Variants in AFAP1L1 observed in about 807,000 individuals in gnomAD.
AFAP1L1 encodes actin filament-associated protein 1-like 1.
In AFAP1L1, 77 loss-of-function variants were observed where a neutral mutation model predicts 99.8. That is an observed-to-expected ratio of 0.77 (90% confidence interval 0.64 to 0.93). The LOEUF (loss-of-function observed/expected upper bound fraction) is 0.93, where lower values mean the gene tolerates loss of function less well. Ranked by LOEUF, AFAP1L1 falls within the 40% of genes least tolerant of loss-of-function variation. The pLI is 0.00. For synonymous variants in AFAP1L1, 373 were observed against 395.3 expected (o/e 0.94, Z 0.67); for missense variants, 893 against 996.8 (o/e 0.90, Z 1.40).
chr5:149,318,867 G>A (rs1211264816), intron 12 of AFAP1L1, among the ~76,000 whole-genome samples: 2 of 152,298 alleles, frequency 1.3e-5, no homozygotes, highest in African/African-American at 4.8e-5. Context: ...TCTTAGTCTT[G>A]TCCTAGAATC....
At position 149,283,507 on chromosome 5, in the gene AFAP1L1, T is replaced by A. The variant is rs528234632; in HGVS notation, c.16+11523T>A. 3.5e-3 allele frequency among the ~76,000 whole-genome samples: 531 copies of A among 152,252 alleles called. 4 individuals are homozygous for A. The highest frequency in any genetic ancestry group is 0.011 in the African/African-American group (438 of 41,564). On this transcript the variant is annotated intron_variant, in intron 1 of 18. Coordinates refer to ENST00000296721, the MANE Select transcript of AFAP1L1 (RefSeq NM_152406.4). ...TTATTTCATTGATACAAAGATTTTT[T>A]TAAAAAAAAACTCAGAACATACCTT...
rs1044558670 is a variant in AFAP1L1, at chr5:149,326,795, T to A, written c.1811-2871T>A. On this transcript the variant is annotated intron_variant, in intron 15 of 18. Transcript: ENST00000296721. ...AGAGGCCGACTGCTTAACAGGAGAT[T>A]AGGAAAAGAGTCAGAAATCCCTGCT... is the stretch of plus-strand genomic sequence containing the variant. 2.0e-5 allele frequency among the ~76,000 whole-genome samples: 3 copies of A among 151,916 alleles called. No individual in the cohort carries two copies. In the East Asian group the frequency reaches 5.8e-4, roughly 29 times the overall value.
At chr5:149,309,050 G>T (rs1741094381) in intron 7 of AFAP1L1, among the ~76,000 whole-genome samples, 1 of 152,102 alleles carries the variant, frequency 6.6e-6, no homozygotes, top group Admixed American at 6.5e-5. Context: ...GTTTGAAGCT[G>T]CAGTGAGCTA....
In AFAP1L1 at chr5:149,319,723, T is replaced by C. The variant is rs753088820; in HGVS notation, c.1621T>C (p.Phe541Leu). 2 of 1,611,844 alleles carry C rather than the reference T, an allele frequency of 1.2e-6. No individual in the cohort carries two copies. Among genetic ancestry groups the C allele is most frequent in the South Asian group, 1.1e-5 (1 of 90,900 alleles). The part of the protein sequence containing the change: ...TSIVSAGRNS[F>L]LYARSCQNQW... ...CATCGTCAGTGCTGGGCGCAACTCCTTCCTGTAAGTGTCAGCTGCACTGGC... is the reference window on the plus strand; with the variant it reads ...CATCGTCAGTGCTGGGCGCAACTCCCTCCTGTAAGTGTCAGCTGCACTGGC... The change falls in exon 13 of 19, where the codon TTC becomes CTC. Residue 541 changes from phenylalanine to leucine, a missense_variant. Coordinates refer to ENST00000296721, the MANE Select transcript of AFAP1L1 (RefSeq NM_152406.4).
intron 1 of AFAP1L1, among the ~76,000 whole-genome samples, chr5:149,294,442 C>A (rs1755957786): frequency 2.6e-5 from 4 of 152,196 alleles, no homozygotes; most frequent in Non-Finnish European, 5.9e-5. Flanking sequence ...CATCAGACTT[C>A]TGTATTCACT....
Position 149,317,722 on chromosome 5 carries a change from C to T in AFAP1L1, c.1268-7C>T, listed in dbSNP as rs759583855. The T allele has an allele frequency of 1.9e-6, 3 of 1,613,552 alleles. No individual in the cohort carries two copies. Among genetic ancestry groups the T allele is most frequent in the South Asian group, 2.2e-5 (2 of 90,816 alleles). ...CTATGGGAACCTCACACCATTGTCT[C>T]CTCCAGGCTACCTGAACGTGCTGGT... is the stretch of plus-strand genomic sequence containing the variant. On this transcript the variant is annotated splice_polypyrimidine_tract_variant and splice_region_variant and intron_variant, in intron 11 of 18. Coordinates refer to ENST00000296721, the MANE Select transcript of AFAP1L1 (RefSeq NM_152406.4).
chr5:149,329,724 G>T lies in AFAP1L1; in HGVS notation c.1869G>T (p.Leu623Phe). Residue 623 changes from leucine to phenylalanine, a missense_variant, in exon 16 of 19, where the codon TTG (leucine) becomes TTT (phenylalanine). Leu to Phe is a conservative substitution (Grantham distance 22). Coordinates refer to ENST00000296721, the MANE Select transcript of AFAP1L1 (RefSeq NM_152406.4). ...NRAEEDARRY[L>F]VEKEKLEKEK... ...CCGAGGAGGATGCCCGGAGGTACTT[G>T]GTAGAAAAAGAGAAGCTGGAGAAAG... The T allele has an allele frequency of 6.2e-7, 1 of 1,614,026 alleles. No homozygotes were observed. Among genetic ancestry groups the T allele is most frequent in the Non-Finnish European group, 8.5e-7 (1 of 1,180,000 alleles).
intron 11 of AFAP1L1, among the ~76,000 whole-genome samples, chr5:149,316,756 G>A (rs921564731): frequency 6.6e-6 from 1 of 152,196 alleles, no homozygotes; most frequent in South Asian, 2.1e-4. Flanking sequence ...ATTTGAAGGT[G>A]AAAACATTAT....
rs1757540314 is a variant in AFAP1L1 at position 149,340,759 on chromosome 5, CACA to C, written c.*730_*732del. 6.6e-6 allele frequency: 1 copy of C among 152,190 alleles called. No homozygotes were observed. The highest frequency in any genetic ancestry group is 1.5e-5 in the Non-Finnish European group (1 of 68,056). The allele number at this position is 152,190 out of a possible 1,614,324, so 9.4% of individuals were successfully genotyped here. Reference sequence around the variant, plus strand: ...TCACAGTGATACTCAGTGACAGGAGCACAGAGCTCTAATGTCCACAGGATGTTG... The same window carrying C: ...TCACAGTGATACTCAGTGACAGGAGCGAGCTCTAATGTCCACAGGATGTTG... On this transcript the variant is annotated 3_prime_UTR_variant, in exon 19 of 19. Coordinates refer to ENST00000296721, the MANE Select transcript of AFAP1L1 (RefSeq NM_152406.4).
At chr5:149,287,888 TC>T (rs1292779724) in intron 1 of AFAP1L1, among the ~76,000 whole-genome samples, 3 of 151,836 alleles carry the variant, frequency 2.0e-5, no homozygotes, top group African/African-American at 7.3e-5. Flanking sequence ...GGCCATGAGG[TC>T]CTATTTTTTA....
chr5:149,282,722 A>T (rs1220194173), intron 1 of AFAP1L1, among the ~76,000 whole-genome samples: 1 of 152,178 alleles, frequency 6.6e-6, no homozygotes, highest in East Asian at 1.9e-4. Context: ...TTTACCGAAA[A>T]GGTTGGCCAA....
chr5:149,275,785 C>T (rs1019100759), intron 1 of AFAP1L1, among the ~76,000 whole-genome samples: 23 of 152,192 alleles, frequency 1.5e-4, no homozygotes, highest in African/African-American at 2.7e-4. Context: ...GGATTACAGG[C>T]GTGAGCCACC....
In AFAP1L1 at chr5:149,332,786, G is replaced by A; in HGVS notation, c.2067G>A (p.Lys689=). 6.2e-7 allele frequency: 1 copy of A among 1,613,488 alleles called. No individual in the cohort carries two copies. The highest frequency in any genetic ancestry group is 8.5e-7 in the Non-Finnish European group (1 of 1,179,992). Residue 689 remains lysine, a synonymous_variant, in exon 17 of 19, where the codon AAG becomes AAA. Coordinates refer to ENST00000296721, the MANE Select transcript of AFAP1L1 (RefSeq NM_152406.4). The part of the protein sequence containing the change: ...KEERRIDLEL[K]LVAVKERLQQ... ...AGCGCCGGATTGACCTGGAGCTGAA[G>A]CTGGTGGCTGTGAAGGAGCGCTTGC...
At chr5:149,333,439 C>T (rs553431004) in intron 17 of AFAP1L1, among the ~76,000 whole-genome samples, 5 of 152,304 alleles carry the variant, frequency 3.3e-5, no homozygotes, top group Admixed American at 6.5e-5. Flanking sequence ...AAAAATACAG[C>T]GGTCTCACAT....
intron 9 of AFAP1L1, among the ~76,000 whole-genome samples, chr5:149,313,720 C>G (rs761921947): frequency 6.6e-6 from 1 of 152,174 alleles, no homozygotes; most frequent in Non-Finnish European, 1.5e-5. Context: ...AATAGTCACA[C>G]GGACTTATAA....
At chr5:149,281,356 T>C (rs1444115535) in intron 1 of AFAP1L1, among the ~76,000 whole-genome samples, 2 of 152,190 alleles carry the variant, frequency 1.3e-5, no homozygotes, top group Non-Finnish European at 2.9e-5. Flanking sequence ...AACAGATGAC[T>C]CTGCTCTTCC....
intron 15 of AFAP1L1, among the ~76,000 whole-genome samples, chr5:149,325,838 G>C (rs746652475): frequency 2.6e-5 from 4 of 152,150 alleles, no homozygotes; most frequent in Non-Finnish European, 5.9e-5. Flanking sequence ...GAGGCAAAAG[G>C]GGGTTGAATT....
At chr5:149,308,184 A>G (rs1343306146) in intron 7 of AFAP1L1, among the ~76,000 whole-genome samples, 1 of 152,128 alleles carries the variant, frequency 6.6e-6, no homozygotes, top group Non-Finnish European at 1.5e-5. Flanking sequence ...AGGCTTTACC[A>G]TGTTTTTGTT....
chr5:149,279,011 C>T (rs1471884827), intron 1 of AFAP1L1, among the ~76,000 whole-genome samples: 1 of 152,242 alleles, frequency 6.6e-6, no homozygotes, highest in Non-Finnish European at 1.5e-5. Flanking sequence ...AGGTCAACTC[C>T]GCCTTTGGGT....
Sources: gnomAD v4.1 joint callset for allele counts (sites outside exome capture counted in the v4.1 genomes callset) on GRCh38, gnomAD v4.1.1 for gene constraint, MANE v1.5 for transcripts, NCBI Gene and HGNC (gene_info 2026-07-23, HGNC 2026-07-21) for gene names.